The following KIF26B variants were observed in gnomAD, a reference collection of about 807,000 sequenced individuals.
KIF26B encodes kinesin family member 26B.
Under a neutral mutation model 151.2 loss-of-function variants are expected in KIF26B, and 63 were observed. That is an observed-to-expected ratio of 0.42 (90% CI 0.34 to 0.51). The LOEUF (loss-of-function observed/expected upper bound fraction) is 0.51, where lower values mean the gene tolerates loss of function less well. KIF26B is among the 20% of genes least tolerant of loss of function. The probability of loss-of-function intolerance (pLI) is 0.07; values close to 1 mark genes in which losing one functional copy is unlikely to be tolerated. For missense variants in KIF26B, 2,813 were observed against 2,913.6 expected (o/e 0.97, Z 0.79); for synonymous variants, 1,357 against 1,262.1 (o/e 1.08, Z -1.59).
In KIF26B at chr1:245,703,209, T is replaced by C. The variant is rs3737918; in HGVS notation, c.*603T>C. On this transcript the variant is annotated 3_prime_UTR_variant, in exon 15 of 15. Transcript: ENST00000407071. ...TAAGTTGTGTTTGTAGAGCTATTTCTTAATCAGTATTGCTTATGAATAAAT... is the reference window on the plus strand; with the variant it reads ...TAAGTTGTGTTTGTAGAGCTATTTCCTAATCAGTATTGCTTATGAATAAAT... 0.36 allele frequency: 55,657 copies of C among 152,610 alleles called. 11,162 individuals are homozygous for C. The highest frequency in any genetic ancestry group is 0.54 in the East Asian group (2,813 of 5,172). 9.5% of individuals were successfully genotyped at this position (152,610 alleles called of 1,614,324 possible).
At chr1:245,683,902 C>T (rs1469217364) in intron 10 of KIF26B, among the ~76,000 whole-genome samples, 1 of 152,206 alleles carries the variant, frequency 6.6e-6, no homozygotes, top group African/African-American at 2.4e-5. Flanking sequence ...AGAGCCCTTT[C>T]TCCTGATCCC....
At chr1:245,555,711 C>G (rs764499336) in intron 5 of KIF26B, among the ~76,000 whole-genome samples, 2 of 152,124 alleles carry the variant, frequency 1.3e-5, no homozygotes, top group Non-Finnish European at 2.9e-5. Context: ...AAACCCAAGA[C>G]CAGGTTACAC....
At chr1:245,557,343 C>T (rs890766871) in intron 5 of KIF26B, among the ~76,000 whole-genome samples, 1 of 152,206 alleles carries the variant, frequency 6.6e-6, no homozygotes, top group East Asian at 1.9e-4. Context: ...TGGAATGAAG[C>T]CCTCCTGGCT....
chr1:245,688,360 T>C lies in KIF26B; in HGVS notation c.5377T>C (p.Ser1793Pro), dbSNP rs752676742. The C allele has an allele frequency of 6.4e-7, 1 of 1,562,658 alleles. No individual in the cohort carries two copies. The highest frequency in any genetic ancestry group is 8.6e-7 in the Non-Finnish European group (1 of 1,162,846). ...STQSLSRNRS[S>P]GLASKLPLRA... ...GCAGTCCCTCAGCAGGAACAGGAGC[T>C]CGGGCCTGGCCTCCAAGCTTCCCCT... is the stretch of plus-strand genomic sequence containing the variant. The change falls in exon 12 of 15, where the codon TCG becomes CCG. Residue 1793 changes from serine (S) to proline (P), a missense_variant. Ser to Pro is a moderately conservative substitution (Grantham distance 74, BLOSUM62 -1). Coordinates refer to ENST00000407071, the MANE Select transcript of KIF26B (RefSeq NM_018012.4).
chr1:245,603,125 G>A (rs549226321), intron 6 of KIF26B, among the ~76,000 whole-genome samples: 1 of 147,480 alleles, frequency 6.8e-6, no homozygotes, highest in South Asian at 2.2e-4. Flanking sequence ...CCCTACTCCT[G>A]CCTGGGCATT....
chr1:245,616,491 C>T (rs1715787), intron 9 of KIF26B, among the ~76,000 whole-genome samples: 2 of 152,046 alleles, frequency 1.3e-5, no homozygotes, highest in Admixed American at 6.5e-5. Flanking sequence ...GATTGTTTTC[C>T]GATTTTGGAA....
At chr1:245,530,598 A>G (rs952946794) in intron 4 of KIF26B, among the ~76,000 whole-genome samples, 11 of 152,238 alleles carry the variant, frequency 7.2e-5, no homozygotes, top group African/African-American at 2.7e-4. Flanking sequence ...AACAGACTTC[A>G]CATGTTTTTA....
intron 5 of KIF26B, among the ~76,000 whole-genome samples, chr1:245,568,430 A>G (rs1273562564): frequency 6.7e-6 from 1 of 150,282 alleles, no homozygotes; most frequent in Non-Finnish European, 1.5e-5. Context: ...GGATCGCTTG[A>G]GCGTAGGAGG....
chr1:245,578,188 G>T (rs1248785930), intron 5 of KIF26B, among the ~76,000 whole-genome samples: 1 of 152,268 alleles, frequency 6.6e-6, no homozygotes, highest in Non-Finnish European at 1.5e-5. Context: ...TGTGTCAGGA[G>T]TTAACAGGTT....
chr1:245,528,637 A>C (rs1389628514), intron 4 of KIF26B, among the ~76,000 whole-genome samples: 1 of 152,232 alleles, frequency 6.6e-6, no homozygotes, highest in African/African-American at 2.4e-5. Context: ...GTCACGTGGC[A>C]TCAAAGGCAG....
rs555368962 is a variant in KIF26B at position 245,571,761 on chromosome 1, A to G, written c.1350+30811A>G. On this transcript the variant is annotated intron_variant, in intron 5 of 14. Transcript: ENST00000407071. ...CAGAGGTTACCAAGGAACCTTCGCT[A>G]TATTTCCACAGATTCTTTTGTGAGC... Among the ~76,000 whole-genome samples the G allele has an allele frequency of 8.3e-4, 126 of 152,340 alleles. 1 individual carries two copies. The South Asian group carries it at 0.025, about 30-fold the overall frequency.
chr1:245,641,619 T>C (rs1184979615), intron 9 of KIF26B, among the ~76,000 whole-genome samples: 1 of 152,224 alleles, frequency 6.6e-6, no homozygotes, highest in Non-Finnish European at 1.5e-5. Flanking sequence ...TCTGATACGC[T>C]CTATTGCATT....
intron 2 of KIF26B, among the ~76,000 whole-genome samples, chr1:245,281,337 G>A (rs1266526026): frequency 8.3e-5 from 5 of 60,106 alleles, no homozygotes; most frequent in Admixed American, 2.2e-4. Context: ...GTTTTGATTT[G>A]CATTTCTCTG....
chr1:245,510,972 C>T, intron 4 of KIF26B: 1 of 648,322 alleles, frequency 1.5e-6, no homozygotes, highest in Non-Finnish European at 2.8e-6. Flanking sequence ...TCCAGCCTTT[C>T]CTCCTTCACC....
chr1:245,507,109 A>C (rs1660741621), intron 4 of KIF26B, among the ~76,000 whole-genome samples: 1 of 152,182 alleles, frequency 6.6e-6, no homozygotes. Context: ...CTCTAGAGAT[A>C]AAATTAGCTG....
chr1:245,562,057 G>C (rs1354727496), intron 5 of KIF26B, among the ~76,000 whole-genome samples: 1 of 152,122 alleles, frequency 6.6e-6, no homozygotes, highest in Non-Finnish European at 1.5e-5. Context: ...GGCATCTTCA[G>C]TGTGTGCAGA....
At chr1:245,413,789 A>G (rs1320106246) in intron 3 of KIF26B, among the ~76,000 whole-genome samples, 2 of 152,298 alleles carry the variant, frequency 1.3e-5, no homozygotes, top group East Asian at 3.9e-4. Context: ...GCCTCGAGTT[A>G]GGAAGTGGTC....
intron 3 of KIF26B, among the ~76,000 whole-genome samples, chr1:245,379,936 A>C (rs1420976309): frequency 6.8e-6 from 1 of 146,318 alleles, no homozygotes; most frequent in Non-Finnish European, 1.5e-5. Context: ...GTGCCATTGC[A>C]CTCCAGCCTG....
chr1:245,630,094 A>G (rs1397838420), intron 9 of KIF26B, among the ~76,000 whole-genome samples: 1 of 152,094 alleles, frequency 6.6e-6, no homozygotes, highest in Non-Finnish European at 1.5e-5. Context: ...AGATGGTGGC[A>G]AGGCTGTGGA....
Sources: gnomAD v4.1 joint callset for allele counts (sites outside exome capture counted in the v4.1 genomes callset) on GRCh38, gnomAD v4.1.1 for gene constraint, MANE v1.5 for transcripts, NCBI Gene and HGNC (gene_info 2026-07-23, HGNC 2026-07-21) for gene names.